The following GABRA3 variants were observed in gnomAD, a reference collection of about 807,000 sequenced individuals.
GABRA3 encodes gamma-aminobutyric acid receptor subunit alpha-3.
A neutral mutation model predicts 30.1 loss-of-function variants in GABRA3; 10 were observed. That is an observed-to-expected ratio of 0.33 (90% CI 0.20 to 0.56). The LOEUF is 0.56. Among genes scored for constraint, GABRA3 ranks in the 20% least tolerant of loss-of-function variants. The pLI is 0.89. For missense variants in GABRA3, 233 were observed against 392.0 expected, an observed-to-expected ratio of 0.59 and a Z score of 3.42; for synonymous variants, 151 against 146.8, an observed-to-expected ratio of 1.03 and a Z score of -0.21.
At chrX:152,293,794 T>C (rs752892290) in intron 3 of GABRA3, among the ~76,000 whole-genome samples, 103 of 111,561 alleles carry the variant, frequency 9.2e-4, no homozygotes, top group African/African-American at 3.3e-3. Context: ...TAGTGCTTCC[T>C]TCAGGAGCTC....
At chrX:152,393,273 C>T in intron 1 of GABRA3, 1 of 242,564 alleles carries the variant, frequency 4.1e-6, no homozygotes. Context: ...AATTAGAAAG[C>T]CCAGTGACAT....
At chrX:152,257,274 G>C (rs1938652069) in intron 4 of GABRA3, among the ~76,000 whole-genome samples, 1 of 111,857 alleles carries the variant, frequency 8.9e-6, no homozygotes, top group African/African-American at 3.3e-5. Flanking sequence ...AAATTCATGA[G>C]GATGTCCTGG....
chrX:152,248,600 T>C (rs73621189), intron 5 of GABRA3, among the ~76,000 whole-genome samples: 22,230 of 111,867 alleles, frequency 0.2, 2,102 homozygotes, highest in African/African-American at 0.38. Context: ...AATACACTTC[T>C]ATCATGTTTG....
At chrX:152,356,154 C>T (rs1454528972) in intron 2 of GABRA3, among the ~76,000 whole-genome samples, 1 of 111,928 alleles carries the variant, frequency 8.9e-6, no homozygotes, top group Non-Finnish European at 1.9e-5. Flanking sequence ...AGATTCCTTA[C>T]ACCAGAATCA....
At chrX:152,409,459 T>C (rs1930016008) in intron 1 of GABRA3, among the ~76,000 whole-genome samples, 1 of 111,997 alleles carries the variant, frequency 8.9e-6, no homozygotes, top group Non-Finnish European at 1.9e-5. Flanking sequence ...GACATTGGTC[T>C]GTGCAAAGAT....
intron 6 of GABRA3, among the ~76,000 whole-genome samples, chrX:152,216,679 G>T: frequency 9.1e-6 from 1 of 109,466 alleles, no homozygotes; most frequent in Non-Finnish European, 1.9e-5. Flanking sequence ...CTTGGTTAAT[G>T]GAGGGAGATT....
chrX:152,419,641 T>C (rs1228994471), intron 1 of GABRA3, among the ~76,000 whole-genome samples: 2 of 111,644 alleles, frequency 1.8e-5, no homozygotes, highest in East Asian at 5.6e-4. Flanking sequence ...CAAAGAAAAC[T>C]TGAGTCCCAG....
intron 1 of GABRA3, among the ~76,000 whole-genome samples, chrX:152,431,369 T>C (rs1473034488): frequency 8.9e-6 from 1 of 112,528 alleles, no homozygotes; most frequent in East Asian, 2.8e-4. Flanking sequence ...CTGCATTTAC[T>C]GAGAAAACAT....
Position 152,249,615 on chromosome X carries a change from G to A in GABRA3, c.551+6163C>T, listed in dbSNP as rs200604182. On this transcript the variant is annotated intron_variant, in intron 5 of 9. Transcript: ENST00000370314. ...GCAAATTTGTTTGATTTCTTCCTCC[G>A]CAATAAAGTCTTTAGTGGATCCTCA... 1.3e-4 allele frequency among the ~76,000 whole-genome samples: 14 copies of A among 110,061 alleles called. No homozygotes were observed. The East Asian group carries it at 2.3e-3, about 18-fold the overall frequency.
In GABRA3 at chrX:152,168,425, G is replaced by C. The variant is rs374567584; in HGVS notation, c.1282C>G (p.Pro428Ala). The C allele has an allele frequency of 2.5e-6, 3 of 1,210,305 alleles. No homozygotes were observed. Among genetic ancestry groups the C allele is most frequent in the African/African-American group, 3.5e-5 (2 of 57,191 alleles). ...KGAAPSASST[P>A]TIIASPKATY... ...GCCTTGGGTGAAGCAATGATTGTTG[G>C]GGTTGAGGAGGCACTGGGAGCAGCG... The change falls in exon 10 of 10, where the codon CCA (proline) becomes GCA (alanine). Residue 428 changes from proline (P) to alanine (A), a missense_variant. Around this residue, in one of 6 missense-constraint regions of GABRA3, gnomAD observed 66 missense variants for 57.1 expected, o/e 1.16. Transcript: ENST00000370314.
chrX:152,402,658 G>A (rs768814429), intron 1 of GABRA3, among the ~76,000 whole-genome samples: 5 of 110,823 alleles, frequency 4.5e-5, no homozygotes, highest in African/African-American at 1.3e-4. Context: ...AAACCTTCAG[G>A]ATAATAAAGA....
In GABRA3 at chrX:152,229,632, T is replaced by C. The variant is rs1463071426; in HGVS notation, c.552-4787A>G. ...CCCAGGGTGCTCAAGAAATAGCAAC[T>C]AGGCTACTGTGGCTGTCTTGTAGAG... On this transcript the variant is annotated intron_variant, in intron 5 of 9. Transcript: ENST00000370314. Among the ~76,000 whole-genome samples, 3 of 109,734 alleles carry C rather than the reference T, an allele frequency of 2.7e-5. No individual in the cohort carries two copies. In the Admixed American group the frequency reaches 3.0e-4, roughly 11 times the overall value.
chrX:152,317,705 G>A (rs1298354611), intron 3 of GABRA3, among the ~76,000 whole-genome samples: 1 of 111,943 alleles, frequency 8.9e-6, no homozygotes, highest in Non-Finnish European at 1.9e-5. Flanking sequence ...TGAATAACCT[G>A]CTCATCAATA....
At chrX:152,281,620 T>C (rs892539241) in intron 4 of GABRA3, among the ~76,000 whole-genome samples, 3 of 112,124 alleles carry the variant, frequency 2.7e-5, no homozygotes, top group Admixed American at 9.5e-5. Context: ...CCTACTGTCA[T>C]AGTTCCTTAT....
rs200939650 is a variant in GABRA3 at position 152,231,156 on chromosome X, C to T, written c.552-6311G>A. On this transcript the variant is annotated intron_variant, in intron 5 of 9. Coordinates refer to ENST00000370314, the MANE Select transcript of GABRA3 (RefSeq NM_000808.4). ...AATGAGAAGTGTATATATATATATACACACATATATGTATATATACACACA... is the reference window on the plus strand; with the variant it reads ...AATGAGAAGTGTATATATATATATATACACATATATGTATATATACACACA... 3.8e-4 allele frequency among the ~76,000 whole-genome samples: 34 copies of T among 90,634 alleles called. No homozygotes were observed. In the East Asian group the frequency reaches 7.1e-3, roughly 19 times the overall value. The allele number at this position is 90,634 out of a possible 115,157, so 78.7% of individuals were successfully genotyped here. A position where few individuals can be genotyped will look rare whatever the true frequency, so the allele number is the denominator to read the frequency against.
intron 1 of GABRA3, among the ~76,000 whole-genome samples, chrX:152,368,677 G>A (rs1172050602): frequency 9.7e-6 from 1 of 102,645 alleles, no homozygotes; most frequent in African/African-American, 3.5e-5. Flanking sequence ...GCTGAATCAT[G>A]TAACTCTATT....
At chrX:152,415,335 C>T (rs1235461476) in intron 1 of GABRA3, among the ~76,000 whole-genome samples, 2 of 110,700 alleles carry the variant, frequency 1.8e-5, no homozygotes, top group Admixed American at 9.6e-5. Context: ...AATATAAACC[C>T]TATTAATTTT....
intron 9 of GABRA3, among the ~76,000 whole-genome samples, chrX:152,182,509 C>A (rs745529528): frequency 1.1e-3 from 88 of 80,253 alleles, no homozygotes; most frequent in African/African-American, 3.7e-3. Context: ...TATATATACT[C>A]TATATAGTAT....
intron 3 of GABRA3, among the ~76,000 whole-genome samples, chrX:152,298,659 A>G (rs1422505210): frequency 9.0e-6 from 1 of 110,795 alleles, no homozygotes; most frequent in African/African-American, 3.3e-5. Flanking sequence ...AGTCTTTGCT[A>G]TTGTGAATAG....
Sources: allele counts gnomAD v4.1 joint callset (sites outside exome capture counted in the v4.1 genomes callset), GRCh38; gene constraint gnomAD v4.1.1; regional missense constraint gnomAD v4.1.1; transcripts MANE v1.5; gene names NCBI Gene and HGNC (gene_info 2026-07-23, HGNC 2026-07-21).